PCDHA8: variants seen among roughly 807,000 people sequenced by gnomAD.
PCDHA8 encodes protocadherin alpha 8.
PCDHA8 carries 53 observed loss-of-function variants against 61.8 expected under a neutral mutation model. That is an observed-to-expected ratio of 0.86 (90% CI 0.69 to 1.08). The LOEUF is 1.08. PCDHA8 is among the 50% of genes least tolerant of loss of function. The pLI, the probability that PCDHA8 is intolerant of heterozygous loss-of-function variation, is 0.00. For missense variants in PCDHA8, 1,293 were observed against 1,245.0 expected (o/e 1.04, Z -0.58); for synonymous variants, 618 against 556.6 (o/e 1.11, Z -1.55).
At chr5:140,891,078 T>G (rs1554184657) in intron 1 of PCDHA8, among the ~76,000 whole-genome samples, 1 of 152,198 alleles carries the variant, frequency 6.6e-6, no homozygotes, top group Admixed American at 6.6e-5. Flanking sequence ...CAGTGTCTAC[T>G]GGTTTCCATT....
chr5:140,950,515 C>T lies in PCDHA8; in HGVS notation c.2395-28434C>T, dbSNP rs144121614. 1.4e-3 allele frequency among the ~76,000 whole-genome samples: 220 copies of T among 151,996 alleles called. 1 individual carries two copies. The highest frequency in any genetic ancestry group is 4.9e-3 in the African/African-American group (204 of 41,490). On this transcript the variant is annotated intron_variant, in intron 1 of 3. Transcript: ENST00000531613. The stretch of plus-strand genomic sequence containing the variant: ...CATTTAAGTCATTATTCCCTGTGTG[C>T]GATATGATTGTTTTTGTTGCTCTTG...
intron 1 of PCDHA8, chr5:140,966,499 A>C (rs960365429): frequency 1.4e-5 from 6 of 431,834 alleles, no homozygotes; most frequent in Non-Finnish European, 2.4e-5. Context: ...CTGGAGCTGT[A>C]GCGGCAGCAG....
intron 1 of PCDHA8, chr5:140,930,058 C>T (rs1186770970): frequency 6.6e-6 from 1 of 152,172 alleles, no homozygotes; most frequent in Non-Finnish European, 1.5e-5. Context: ...TTTGCTTACA[C>T]AAAAACTGTA....
rs144442346 is a variant in PCDHA8 at position 140,929,817 on chromosome 5, G to A, written c.2395-49132G>A. 1,292 of 158,464 alleles carry A rather than the reference G, an allele frequency of 8.2e-3. 7 individuals are homozygous for A. Among genetic ancestry groups the A allele is most frequent in the African/African-American group, 0.019 (796 of 41,644 alleles). 9.8% of individuals were successfully genotyped at this position (158,464 alleles called of 1,614,324 possible). On this transcript the variant is annotated intron_variant, in intron 1 of 3. Coordinates refer to ENST00000531613, the MANE Select transcript of PCDHA8 (RefSeq NM_018911.3). The stretch of plus-strand genomic sequence containing the variant: ...ATGGGGGTTAAAAGAAGGGAGAAAG[G>A]GAACATAAGAGAACATTTGAGTGAG...
chr5:140,956,820 G>C (rs246011), intron 1 of PCDHA8, among the ~76,000 whole-genome samples: 85,659 of 151,910 alleles, frequency 0.56, 24,765 homozygotes, highest in African/African-American at 0.69. Context: ...GCTTCAATTT[G>C]TAATTTAATA....
At chr5:140,920,093 T>C (rs1289681170) in intron 1 of PCDHA8, among the ~76,000 whole-genome samples, 1 of 152,176 alleles carries the variant, frequency 6.6e-6, no homozygotes, top group African/African-American at 2.4e-5. Flanking sequence ...GTAGAGCCTC[T>C]AAAGGGAGTG....
chr5:140,875,949 T>C (rs1306170767), intron 1 of PCDHA8: 2 of 1,614,096 alleles, frequency 1.2e-6, no homozygotes, highest in African/African-American at 2.7e-5. Context: ...GCGCTTCTGA[T>C]GCGGATATCG....
chr5:140,910,608 C>A (rs1161072744), intron 1 of PCDHA8, among the ~76,000 whole-genome samples: 3 of 152,208 alleles, frequency 2.0e-5, no homozygotes, highest in Non-Finnish European at 2.9e-5. Context: ...TCTAAACTGA[C>A]TAATCCACTC....
chr5:140,974,945 A>G (rs2096646889), intron 1 of PCDHA8, among the ~76,000 whole-genome samples: 1 of 152,180 alleles, frequency 6.6e-6, no homozygotes, highest in African/African-American at 2.4e-5. Flanking sequence ...CCTATTTGTT[A>G]TCTCACAGTC....
intron 1 of PCDHA8, among the ~76,000 whole-genome samples, chr5:140,947,554 G>T (rs977454594): frequency 1.3e-5 from 2 of 151,358 alleles, no homozygotes; most frequent in Non-Finnish European, 3.0e-5. Flanking sequence ...AATTCCGCTG[G>T]GATTTATATT....
chr5:140,981,144 A>G (rs1245688386), intron 2 of PCDHA8, among the ~76,000 whole-genome samples: 1 of 152,238 alleles, frequency 6.6e-6, no homozygotes, highest in African/African-American at 2.4e-5. Flanking sequence ...GAGTGAGAAA[A>G]CATTGAACTT....
At chr5:140,928,304 AC>A (rs782506310) in intron 1 of PCDHA8, 98 of 1,613,908 alleles carry the variant, frequency 6.1e-5, no homozygotes, top group Non-Finnish European at 7.9e-5. Flanking sequence ...TTTGCCCAGG[AC>A]CCCGACCTGG....
chr5:140,853,605 G>C lies in PCDHA8; in HGVS notation c.2394+9890G>C, dbSNP rs773791072. ...TCTTAGACACTTTGAGAGCAAAGGG[G>C]GTGCTGTAAATAAGTATACAAGATC... On this transcript the variant is annotated intron_variant, in intron 1 of 3. Coordinates refer to ENST00000531613, the MANE Select transcript of PCDHA8 (RefSeq NM_018911.3). The C allele has an allele frequency of 3.1e-5, 31 of 987,206 alleles. 2 individuals carry two copies. The highest frequency in any genetic ancestry group is 3.7e-5 in the Non-Finnish European group (30 of 819,622). The allele number at this position is 987,206 out of a possible 1,614,324, so 61.2% of individuals were successfully genotyped here.
rs2150416321 is a variant in PCDHA8 at position 140,848,658 on chromosome 5, G to C, written c.2394+4943G>C. On this transcript the variant is annotated intron_variant, in intron 1 of 3. Coordinates refer to ENST00000531613, the MANE Select transcript of PCDHA8 (RefSeq NM_018911.3). ...CCGCATCGCGCAGGACCTGGGGCTG[G>C]AGCTGGCGGAGCTGGTGCCGCGCCT... The C allele has an allele frequency of 2.5e-6, 4 of 1,592,362 alleles. No homozygotes were observed. The highest frequency in any genetic ancestry group is 4.5e-5 in the East Asian group (2 of 44,824).
rs187345731 is a variant in PCDHA8, at chr5:140,885,533, C to T, written c.2394+41818C>T. Among the ~76,000 whole-genome samples, 472 of 152,120 alleles carry T rather than the reference C, an allele frequency of 3.1e-3. 3 individuals carry two copies. Among genetic ancestry groups the T allele is most frequent in the Middle Eastern group, 0.014 (4 of 294 alleles). On this transcript the variant is annotated intron_variant, in intron 1 of 3. Coordinates refer to ENST00000531613, the MANE Select transcript of PCDHA8 (RefSeq NM_018911.3). Reference sequence around the variant, plus strand: ...CTGTGCTATCATTTCATATATTTCCCAAAATATTGGTGTTATTTCTACGAA... The same window carrying T: ...CTGTGCTATCATTTCATATATTTCCTAAAATATTGGTGTTATTTCTACGAA...
intron 1 of PCDHA8, chr5:140,853,901 CCTGA>C: frequency 1.0e-6 from 1 of 961,464 alleles, no homozygotes; most frequent in African/African-American, 1.8e-5. Flanking sequence ...GATGTGGTGG[CCTGA>C]CACCTGCAAT....
At chr5:140,850,249 T>TGGGC in intron 1 of PCDHA8, 1 of 1,593,502 alleles carries the variant, frequency 6.3e-7, no homozygotes, top group Non-Finnish European at 8.6e-7. Context: ...CTGCGGTCGG[T>TGGGC]GGGCGCCGGC....
intron 1 of PCDHA8, chr5:140,927,305 C>A: frequency 6.2e-7 from 1 of 1,614,190 alleles, no homozygotes; most frequent in African/African-American, 1.3e-5. Flanking sequence ...GAGTTCCTGA[C>A]GCCCGGAGCC....
intron 1 of PCDHA8, among the ~76,000 whole-genome samples, chr5:140,945,853 A>G (rs782332952): frequency 6.6e-6 from 1 of 152,190 alleles, no homozygotes; most frequent in Non-Finnish European, 1.5e-5. Flanking sequence ...AAAGACTTAA[A>G]CATAGACCTG....
Sources: allele counts gnomAD v4.1 joint callset (sites outside exome capture counted in the v4.1 genomes callset), GRCh38; gene constraint gnomAD v4.1.1; transcripts MANE v1.5; gene names NCBI Gene and HGNC (gene_info 2026-07-23, HGNC 2026-07-21).